Variants in PLD1 observed in about 807,000 individuals in gnomAD.
PLD1 encodes the protein choline phosphatase 1.
A neutral mutation model predicts 137.1 loss-of-function variants in PLD1; 112 were observed. The ratio of observed to expected loss-of-function variants is 0.82; its 90% confidence interval spans 0.70 to 0.96. The LOEUF (loss-of-function observed/expected upper bound fraction) is 0.96. Among genes scored for constraint, PLD1 ranks in the 40% least tolerant of loss-of-function variants. The pLI is 0.00. For missense variants in PLD1, 1,321 were observed against 1,342.0 expected (o/e 0.98, Z 0.24); for synonymous variants, 431 against 454.7 (o/e 0.95, Z 0.66).
chr3:171,764,986 GAAAGAAAGAAAGAAAGAAAGAGAAAA>G, intron 1 of PLD1: 1 of 139,690 alleles, frequency 7.2e-6, no homozygotes, highest in East Asian at 2.1e-4. Context: ...AAGAAAGAAA[GAAAGAAAGAAAGAAAGAAAGAGAAAA>G]AGAAAAAGAA....
Position 171,611,674 on chromosome 3 carries a change from A to C in PLD1, c.2882+605T>G, listed in dbSNP as rs773296721. 18 of 518,202 alleles carry C rather than the reference A, an allele frequency of 3.5e-5. No individual in the cohort carries two copies. The East Asian group carries it at 7.1e-4, about 20-fold the overall frequency. The allele number at this position is 518,202 out of a possible 1,614,324, so 32.1% of individuals were successfully genotyped here. ...TTCCACATTTAAATTTTACACCAGC[A>C]GTCACTGGCATACCCCTTCAATAAT... On this transcript the variant is annotated intron_variant, in intron 25 of 26. Coordinates refer to ENST00000351298, the MANE Select transcript of PLD1 (RefSeq NM_002662.5).
At chr3:171,751,223 A>C (rs908240064) in intron 1 of PLD1, among the ~76,000 whole-genome samples, 1 of 152,254 alleles carries the variant, frequency 6.6e-6, no homozygotes, top group African/African-American at 2.4e-5. Flanking sequence ...GCTAAACATG[A>C]ACTACAAACA....
intron 11 of PLD1, among the ~76,000 whole-genome samples, chr3:171,704,448 A>G (rs1017594539): frequency 6.9e-6 from 1 of 145,934 alleles, no homozygotes; most frequent in Non-Finnish European, 1.5e-5. Context: ...CCTGGCACAC[A>G]AAGAACCAGG....
intron 11 of PLD1, among the ~76,000 whole-genome samples, chr3:171,708,118 A>G (rs1291299372): frequency 1.3e-5 from 2 of 152,196 alleles, no homozygotes; most frequent in East Asian, 3.8e-4. Context: ...TTAACTTTCC[A>G]GGCAGATGAA....
intron 16 of PLD1, 96 bp from the exon 17 acceptor site, chr3:171,677,790 T>TAAACACCTAAAATTTTAAACACCTAAA: frequency 8.1e-7 from 1 of 1,231,256 alleles, no homozygotes; most frequent in Non-Finnish European, 1.1e-6. Context: ...AAAAGCTTCT[T>TAAACACCTAAAATTTTAAACACCTAAA]AATTTCTTAA....
intron 1 of PLD1, among the ~76,000 whole-genome samples, chr3:171,778,380 T>C (rs1336337063): frequency 1.3e-5 from 2 of 152,102 alleles, no homozygotes; most frequent in Admixed American, 6.5e-5. Context: ...AGACAGACTA[T>C]CAAAAATTAA....
rs552836498 is a variant in PLD1, at chr3:171,792,211, T to C, written c.-32+18188A>G. 2.3e-5 allele frequency: 5 copies of C among 212,982 alleles called. No homozygotes were observed. In the South Asian group the frequency reaches 3.6e-4, roughly 15 times the overall value. 13.2% of individuals were successfully genotyped at this position (212,982 alleles called of 1,614,324 possible). On this transcript the variant is annotated intron_variant, in intron 1 of 26. Transcript: ENST00000351298. ...TCCTACCAGTATCTATTTCATCAAG[T>C]CCCAAACTGAACATAGTCATGCTTT...
intron 1 of PLD1, among the ~76,000 whole-genome samples, chr3:171,779,599 C>T (rs771751671): frequency 7.9e-5 from 12 of 152,166 alleles, no homozygotes; most frequent in Non-Finnish European, 1.2e-4. Context: ...ATACATAAGT[C>T]CAAGATTCAG....
intron 23 of PLD1, among the ~76,000 whole-genome samples, chr3:171,627,322 T>C (rs1430373394): frequency 6.6e-6 from 1 of 152,016 alleles, no homozygotes; most frequent in Non-Finnish European, 1.5e-5. Flanking sequence ...ATCCTAAATA[T>C]ATATGCACCC....
At position 171,603,285 on chromosome 3, in the gene PLD1, G is replaced by A; in HGVS notation, c.3018C>T (p.Pro1006=). Residue 1006 remains proline, a synonymous_variant, in exon 27 of 27, where the codon CCC becomes CCT. Transcript: ENST00000351298. The part of the protein sequence containing the change: ...TIYDKVFRCL[P]NDEVHNLIQL... ...GAATTAAATTGTGTACTTCATCATT[G>A]GGAAGGCACCGGAAAACCTGATTAG... is the stretch of plus-strand genomic sequence containing the variant. The A allele has an allele frequency of 6.2e-7, 1 of 1,613,660 alleles. No homozygotes were observed. The highest frequency in any genetic ancestry group is 8.5e-7 in the Non-Finnish European group (1 of 1,179,734).
intron 1 of PLD1, among the ~76,000 whole-genome samples, chr3:171,746,199 C>T (rs1257195500): frequency 1.3e-5 from 2 of 152,336 alleles, no homozygotes; most frequent in East Asian, 1.9e-4. Flanking sequence ...GGAGCCTCCA[C>T]GGGCACCACC....
intron 1 of PLD1, among the ~76,000 whole-genome samples, chr3:171,749,382 G>C (rs964816205): frequency 6.6e-6 from 1 of 152,114 alleles, no homozygotes; most frequent in African/African-American, 2.4e-5. Context: ...GCTTCAGCGA[G>C]CTACACTGCC....
chr3:171,611,726 AT>A (rs1370200316), intron 25 of PLD1: 2 of 460,676 alleles, frequency 4.3e-6, no homozygotes, highest in Non-Finnish European at 8.6e-6. Flanking sequence ...TATTACTGGA[AT>A]TAATTTGATT....
intron 1 of PLD1, among the ~76,000 whole-genome samples, chr3:171,759,355 A>G (rs1721241742): frequency 6.6e-6 from 1 of 152,240 alleles, no homozygotes; most frequent in South Asian, 2.1e-4. Flanking sequence ...ATATCCAGAT[A>G]CTGAAGATAC....
At chr3:171,777,795 A>T (rs1444219676) in intron 1 of PLD1, among the ~76,000 whole-genome samples, 1 of 151,456 alleles carries the variant, frequency 6.6e-6, no homozygotes, top group Non-Finnish European at 1.5e-5. Flanking sequence ...ACCCTGCTTT[A>T]AAAAAAAACA....
intron 21 of PLD1, among the ~76,000 whole-genome samples, chr3:171,654,670 T>C (rs1737046998): frequency 6.6e-6 from 1 of 152,180 alleles, no homozygotes; most frequent in Non-Finnish European, 1.5e-5. Flanking sequence ...TTTTAGACTG[T>C]GGATTATGAT....
chr3:171,808,632 A>ATTTAAT (rs1723971367), intron 1 of PLD1, among the ~76,000 whole-genome samples: 1 of 151,192 alleles, frequency 6.6e-6, no homozygotes, highest in Admixed American at 6.6e-5. Context: ...AAAATTTGTA[A>ATTTAAT]TTTTAATTAA....
chr3:171,706,253 T>A (rs1716686658), intron 11 of PLD1, among the ~76,000 whole-genome samples: 1 of 149,468 alleles, frequency 6.7e-6, no homozygotes, highest in Non-Finnish European at 1.5e-5. Flanking sequence ...CCCTTTCCTA[T>A]CCTATGCCAT....
intron 1 of PLD1, among the ~76,000 whole-genome samples, chr3:171,752,721 A>C (rs1720746866): frequency 1.3e-5 from 2 of 152,242 alleles, no homozygotes; most frequent in South Asian, 2.1e-4. Context: ...GAATTACATA[A>C]CCAGTGGGCA....
Sources: allele counts gnomAD v4.1 joint callset (sites outside exome capture counted in the v4.1 genomes callset), GRCh38; gene constraint gnomAD v4.1.1; transcripts MANE v1.5; gene names NCBI Gene and HGNC (gene_info 2026-07-23, HGNC 2026-07-21).